THSD7B: variants seen among roughly 807,000 people sequenced by gnomAD.
THSD7B encodes thrombospondin type-1 domain-containing protein 7B.
A neutral mutation model predicts 213.6 loss-of-function variants in THSD7B; 138 were observed. The observed-to-expected ratio is 0.65, with a 90% CI of 0.56 to 0.74. THSD7B has a LOEUF of 0.74. Among genes scored for constraint, THSD7B ranks in the 30% least tolerant of loss-of-function variants. The pLI is 0.00. For synonymous variants in THSD7B, 742 were observed against 687.0 expected (o/e 1.08, Z -1.25); for missense variants, 1,931 against 1,991.5 (o/e 0.97, Z 0.58).
chr2:136,953,648 TCCA>T (rs1367985126), intron 2 of THSD7B, among the ~76,000 whole-genome samples: 2 of 152,146 alleles, frequency 1.3e-5, no homozygotes, highest in South Asian at 4.1e-4. Context: ...CCAGGACCAC[TCCA>T]CCATCTTCAT....
chr2:137,103,132 G>A (rs749249995), intron 4 of THSD7B, among the ~76,000 whole-genome samples: 2 of 152,094 alleles, frequency 1.3e-5, no homozygotes, highest in Admixed American at 6.5e-5. Context: ...GAGGGCAGCC[G>A]GAGAGAAAGG....
chr2:137,503,426 C>T (rs1679756509), intron 15 of THSD7B, among the ~76,000 whole-genome samples: 1 of 152,134 alleles, frequency 6.6e-6, no homozygotes, highest in South Asian at 2.1e-4. Flanking sequence ...GTCCTACACC[C>T]TGTATGAATA....
At chr2:136,783,970 G>A (rs1681792714) in intron 1 of THSD7B, among the ~76,000 whole-genome samples, 1 of 152,172 alleles carries the variant, frequency 6.6e-6, no homozygotes, top group Non-Finnish European at 1.5e-5. Context: ...ACTGGTGAAT[G>A]GATTATTTAT....
intron 1 of THSD7B, among the ~76,000 whole-genome samples, chr2:136,828,953 C>A (rs557188358): frequency 6.6e-6 from 1 of 152,200 alleles, no homozygotes; most frequent in Admixed American, 6.5e-5. Context: ...ACAGAGCATG[C>A]ACTCAGTAAC....
At chr2:137,450,023 G>A (rs561001431) in intron 14 of THSD7B, among the ~76,000 whole-genome samples, 71 of 152,262 alleles carry the variant, frequency 4.7e-4, no homozygotes, top group African/African-American at 1.7e-3. Flanking sequence ...CACAAGAGAA[G>A]TATAATTTTT....
intron 12 of THSD7B, among the ~76,000 whole-genome samples, chr2:137,293,253 C>T (rs1683381109): frequency 6.6e-6 from 1 of 152,014 alleles, no homozygotes; most frequent in South Asian, 2.1e-4. Flanking sequence ...ATTCTTTCAC[C>T]TCAGCCTCCC....
chr2:136,776,357 G>A (rs922117839), intron 1 of THSD7B, among the ~76,000 whole-genome samples: 1 of 151,958 alleles, frequency 6.6e-6, no homozygotes. Flanking sequence ...AGGAACCTAG[G>A]GGTTAAGATT....
At chr2:137,552,642 G>A (rs1365484886) in intron 15 of THSD7B, among the ~76,000 whole-genome samples, 2 of 152,144 alleles carry the variant, frequency 1.3e-5, no homozygotes, top group Non-Finnish European at 2.9e-5. Flanking sequence ...CAGCTTGTGG[G>A]TATGGTTGTG....
intron 14 of THSD7B, among the ~76,000 whole-genome samples, chr2:137,435,811 G>A (rs1309089439): frequency 6.6e-6 from 1 of 152,108 alleles, no homozygotes; most frequent in African/African-American, 2.4e-5. Context: ...GTAGCTCCTG[G>A]TTCTGCCCTC....
chr2:137,588,317 G>T (rs1681786573), intron 17 of THSD7B, among the ~76,000 whole-genome samples: 1 of 152,084 alleles, frequency 6.6e-6, no homozygotes, highest in South Asian at 2.1e-4. Flanking sequence ...TTTGGCTCAT[G>T]GTCAGTGGGC....
At chr2:137,369,470 C>T (rs1422340672) in intron 12 of THSD7B, among the ~76,000 whole-genome samples, 1 of 151,994 alleles carries the variant, frequency 6.6e-6, no homozygotes, top group Non-Finnish European at 1.5e-5. Flanking sequence ...CAAAGGGATA[C>T]AGAAATTAAT....
chr2:137,291,518 A>G (rs1206109217), intron 12 of THSD7B, among the ~76,000 whole-genome samples: 4 of 152,202 alleles, frequency 2.6e-5, no homozygotes, highest in Admixed American at 1.3e-4. Context: ...CAAAAATACA[A>G]TGAACAAAAA....
intron 7 of THSD7B, among the ~76,000 whole-genome samples, chr2:137,192,284 T>C (rs1680673256): frequency 6.6e-6 from 1 of 152,010 alleles, no homozygotes; most frequent in Non-Finnish European, 1.5e-5. Flanking sequence ...TGATGATACA[T>C]AAAGTAACCT....
rs763014061 is a variant in THSD7B at position 137,667,874 on chromosome 2, T to A, written c.4739+13T>A. 5 of 1,555,778 alleles carry A rather than the reference T, an allele frequency of 3.2e-6. No individual in the cohort carries two copies. The highest frequency in any genetic ancestry group is 1.4e-5 in the African/African-American group (1 of 73,396). ...CCTACCTTGTTTGGTAAGTACTAATTAGTAAAAAGTTTATGTTCCGTATTT... is the reference window on the plus strand; with the variant it reads ...CCTACCTTGTTTGGTAAGTACTAATAAGTAAAAAGTTTATGTTCCGTATTT... On this transcript the variant is annotated intron_variant, in intron 27 of 27. Coordinates refer to ENST00000409968, the MANE Select transcript of THSD7B (RefSeq NM_001316349.2).
chr2:137,398,243 C>T (rs1393792407), intron 12 of THSD7B, among the ~76,000 whole-genome samples: 5 of 148,196 alleles, frequency 3.4e-5, no homozygotes, highest in East Asian at 2.0e-4. Context: ...AGGTGCTCTG[C>T]GTTTTAGAGT....
rs141049866 is a variant in THSD7B at position 136,844,821 on chromosome 2, A to G, written c.-35-37323A>G. On this transcript the variant is annotated intron_variant, in intron 1 of 27. Coordinates refer to ENST00000409968, the MANE Select transcript of THSD7B (RefSeq NM_001316349.2). ...CCCACAGCTGGAGAGGTAGGAGAAC[A>G]TGTAAAGGCCTAGCCATCAGAGTGC... Among the ~76,000 whole-genome samples the G allele has an allele frequency of 4.1e-3, 625 of 152,350 alleles. 5 individuals are homozygous for G. The highest frequency in any genetic ancestry group is 0.014 in the African/African-American group (601 of 41,576).
intron 27 of THSD7B, among the ~76,000 whole-genome samples, chr2:137,673,799 C>T (rs2104833259): frequency 6.6e-6 from 1 of 152,204 alleles, no homozygotes; most frequent in East Asian, 1.9e-4. Flanking sequence ...TGAGAGGAGG[C>T]TGATCTATTC....
Position 137,155,136 on chromosome 2 carries a change from C to T in THSD7B, c.1370-5077C>T, listed in dbSNP as rs147164217. On this transcript the variant is annotated intron_variant, in intron 5 of 27. Coordinates refer to ENST00000409968, the MANE Select transcript of THSD7B (RefSeq NM_001316349.2). ...TTTTCCTTGGCATTTAGAAAGATGC[C>T]GCTAGGCAGTGATCCAGATTTGTCT... 1.6e-4 allele frequency among the ~76,000 whole-genome samples: 25 copies of T among 152,258 alleles called. No individual in the cohort carries two copies. The East Asian group carries it at 4.1e-3, about 25-fold the overall frequency.
chr2:137,482,405 G>A (rs1039724058), intron 15 of THSD7B, among the ~76,000 whole-genome samples: 1 of 152,130 alleles, frequency 6.6e-6, no homozygotes, highest in Non-Finnish European at 1.5e-5. Context: ...ATTTACTGTA[G>A]GACTTAATAA....
Sources: allele counts gnomAD v4.1 joint callset (sites outside exome capture counted in the v4.1 genomes callset), GRCh38; gene constraint gnomAD v4.1.1; transcripts MANE v1.5; gene names NCBI Gene and HGNC (gene_info 2026-07-23, HGNC 2026-07-21).